The following ADCY5 variants were observed in gnomAD, a reference collection of about 807,000 sequenced individuals.
ADCY5 encodes the protein adenylate cyclase type 5.
In ADCY5, 30 loss-of-function variants were observed where a neutral mutation model predicts 119.7. The observed-to-expected ratio is 0.25, with a 90% CI of 0.19 to 0.34. The LOEUF (loss-of-function observed/expected upper bound fraction) is 0.34, where lower values mean the gene tolerates loss of function less well. Among genes scored for constraint, ADCY5 ranks in the 10% least tolerant of loss-of-function variants. The pLI, the probability that ADCY5 is intolerant of heterozygous loss-of-function variation, is 1.00. For synonymous variants in ADCY5, 753 were observed against 762.2 expected (o/e 0.99, Z 0.20); for missense variants, 1,324 against 1,775.2 (o/e 0.75, Z 4.57).
intron 1 of ADCY5, among the ~76,000 whole-genome samples, chr3:123,442,221 G>A (rs887023977): frequency 7.2e-5 from 11 of 152,054 alleles, no homozygotes; most frequent in Admixed American, 2.6e-4. Context: ...AACACATGAC[G>A]GCAGGTTGCA....
At position 123,295,998 on chromosome 3, in the gene ADCY5, T is replaced by G. The variant is rs757955112; in HGVS notation, c.3063+86A>C. On this transcript the variant is annotated intron_variant, in intron 17 of 20. Coordinates refer to ENST00000462833, the MANE Select transcript of ADCY5 (RefSeq NM_183357.3). ...GACAGTGTAAGACGAAGGCCCGGCT[T>G]GGCCTGGCCCAGCAGACGAGCCTGT... is the stretch of plus-strand genomic sequence containing the variant. The G allele has an allele frequency of 5.5e-4, 848 of 1,555,142 alleles. 1 individual carries two copies. The highest frequency in any genetic ancestry group is 6.9e-4 in the Non-Finnish European group (790 of 1,144,156).
chr3:123,445,091 C>T (rs888657071), intron 1 of ADCY5, among the ~76,000 whole-genome samples: 3 of 152,218 alleles, frequency 2.0e-5, no homozygotes, highest in Admixed American at 1.3e-4. Context: ...TTTGCATTCC[C>T]TTGTCTTGAA....
intron 1 of ADCY5, among the ~76,000 whole-genome samples, chr3:123,391,341 A>G (rs1267779137): frequency 5.9e-5 from 9 of 152,204 alleles, no homozygotes; most frequent in Non-Finnish European, 1.5e-5. Context: ...CAGACTGTCT[A>G]AACACTTCCA....
chr3:123,332,389 C>T (rs988113850), intron 4 of ADCY5, among the ~76,000 whole-genome samples, 175 bp downstream of exon 4: 7 of 152,248 alleles, frequency 4.6e-5, no homozygotes, highest in South Asian at 2.1e-4. Context: ...CCACGCAGGG[C>T]GTGAGGACAC....
intron 1 of ADCY5, among the ~76,000 whole-genome samples, chr3:123,376,331 G>A (rs1367551655): frequency 1.3e-5 from 2 of 152,010 alleles, no homozygotes; most frequent in Admixed American, 6.5e-5. Flanking sequence ...GCTCTGGGAC[G>A]GTGGACTGTC....
chr3:123,415,366 A>G (rs1342343225), intron 1 of ADCY5, among the ~76,000 whole-genome samples: 2 of 152,140 alleles, frequency 1.3e-5, no homozygotes, highest in Non-Finnish European at 2.9e-5. Flanking sequence ...CCAGAGCCAG[A>G]GTGGGCCCGC....
At chr3:123,377,067 C>T (rs1342503602) in intron 1 of ADCY5, among the ~76,000 whole-genome samples, 5 of 152,334 alleles carry the variant, frequency 3.3e-5, no homozygotes, top group South Asian at 4.1e-4. Flanking sequence ...ACACACACAC[C>T]TGTCCACCTC....
intron 19 of ADCY5, among the ~76,000 whole-genome samples, chr3:123,287,302 C>T (rs1938843355): frequency 6.6e-6 from 1 of 152,314 alleles, no homozygotes; most frequent in East Asian, 1.9e-4. Context: ...CTCTGGCCAC[C>T]ACTTCGGCTC....
chr3:123,317,849 G>C (rs1941002712), intron 11 of ADCY5, among the ~76,000 whole-genome samples, 171 bp downstream of exon 11: 1 of 151,956 alleles, frequency 6.6e-6, no homozygotes. Flanking sequence ...GCCCAGAGAG[G>C]TCAGACCCCT....
chr3:123,413,427 GC>G (rs1945107851), intron 1 of ADCY5, among the ~76,000 whole-genome samples: 1 of 152,134 alleles, frequency 6.6e-6, no homozygotes, highest in South Asian at 2.1e-4. Flanking sequence ...GGAGGGAGAT[GC>G]CCCCTCCCAG....
At chr3:123,324,574 C>T (rs1337485171) in intron 8 of ADCY5, among the ~76,000 whole-genome samples, 3 of 152,220 alleles carry the variant, frequency 2.0e-5, no homozygotes, top group Non-Finnish European at 4.4e-5. Context: ...AAGCCAACCT[C>T]TCAGACAGTA....
Position 123,347,056 on chromosome 3 carries a change from C to A in ADCY5, c.1406+726G>T, listed in dbSNP as rs564071132. 3.3e-5 allele frequency among the ~76,000 whole-genome samples: 5 copies of A among 152,240 alleles called. No homozygotes were observed. The East Asian group carries it at 9.6e-4, about 29-fold the overall frequency. ...CCACTTGGGTGCAGCCTGGCTGTACCACTGCTGGCTCGGGGACCTTGAGCC... is the reference window on the plus strand; with the variant it reads ...CCACTTGGGTGCAGCCTGGCTGTACAACTGCTGGCTCGGGGACCTTGAGCC... On this transcript the variant is annotated intron_variant, in intron 3 of 20. Coordinates refer to ENST00000462833, the MANE Select transcript of ADCY5 (RefSeq NM_183357.3).
At chr3:123,287,930 T>C (rs999903204) in intron 19 of ADCY5, among the ~76,000 whole-genome samples, 1 of 152,170 alleles carries the variant, frequency 6.6e-6, no homozygotes, top group African/African-American at 2.4e-5. Flanking sequence ...TTGAGGCTTT[T>C]CAAAAACACA....
intron 1 of ADCY5, among the ~76,000 whole-genome samples, chr3:123,353,048 A>C (rs1942896610): frequency 6.6e-6 from 1 of 152,204 alleles, no homozygotes; most frequent in South Asian, 2.1e-4. Flanking sequence ...GAATCCCCTC[A>C]GGTCCCCAGC....
At chr3:123,427,556 A>C (rs1323720853) in intron 1 of ADCY5, among the ~76,000 whole-genome samples, 3 of 152,142 alleles carry the variant, frequency 2.0e-5, no homozygotes, top group African/African-American at 7.2e-5. Context: ...AAGCTGGCTC[A>C]GAGAACATCT....
At chr3:123,387,818 C>A (rs1464720843) in intron 1 of ADCY5, among the ~76,000 whole-genome samples, 1 of 152,208 alleles carries the variant, frequency 6.6e-6, no homozygotes, top group East Asian at 1.9e-4. Flanking sequence ...GAGACACATC[C>A]AGTCTAGGAG....
chr3:123,344,597 G>A (rs187225523), intron 3 of ADCY5, among the ~76,000 whole-genome samples: 1 of 152,318 alleles, frequency 6.6e-6, no homozygotes, highest in Admixed American at 6.5e-5. Context: ...AAACAGCAGA[G>A]TAGGGGCAAT....
At chr3:123,329,941 CT>C (rs1273276643) in intron 5 of ADCY5, among the ~76,000 whole-genome samples, 1 of 152,246 alleles carries the variant, frequency 6.6e-6, no homozygotes, top group Non-Finnish European at 1.5e-5. Context: ...CCACGGCCAC[CT>C]CCTTCAGGCA....
chr3:123,414,103 G>A (rs1192437043), intron 1 of ADCY5, among the ~76,000 whole-genome samples: 7 of 152,152 alleles, frequency 4.6e-5, no homozygotes, highest in Admixed American at 6.5e-5. Flanking sequence ...TAAGCTGCCC[G>A]GCATCTGCCT....
Sources: gnomAD v4.1 joint callset for allele counts (sites outside exome capture counted in the v4.1 genomes callset) on GRCh38, gnomAD v4.1.1 for gene constraint, MANE v1.5 for transcripts, NCBI Gene and HGNC (gene_info 2026-07-23, HGNC 2026-07-21) for gene names.